CADM2: variants seen among roughly 807,000 people sequenced by gnomAD.
CADM2 encodes the protein cell adhesion molecule 2.
Under a neutral mutation model 49.8 loss-of-function variants are expected in CADM2, and 12 were observed. The observed-to-expected ratio is 0.24, with a 90% CI of 0.15 to 0.39. CADM2 has a LOEUF of 0.39. Among genes scored for constraint, CADM2 ranks in the 10% least tolerant of loss-of-function variants. The probability of loss-of-function intolerance (pLI) is 1.00; values close to 1 mark genes in which losing one functional copy is unlikely to be tolerated. For missense variants in CADM2, 378 were observed against 492.3 expected, an observed-to-expected ratio of 0.77 and a Z score of 2.20; for synonymous variants, 214 against 175.4, an observed-to-expected ratio of 1.22 and a Z score of -1.74.
At chr3:85,536,636 G>C (rs1329457452) in intron 1 of CADM2, among the ~76,000 whole-genome samples, 9 of 152,032 alleles carry the variant, frequency 5.9e-5, no homozygotes, top group Non-Finnish European at 8.8e-5. Context: ...AGGCTTTGCA[G>C]CCTTTTCACT....
chr3:86,054,201 A>G (rs1370710265), intron 8 of CADM2, among the ~76,000 whole-genome samples: 1 of 151,588 alleles, frequency 6.6e-6, no homozygotes, highest in Non-Finnish European at 1.5e-5. Context: ...TCTCTTTATA[A>G]TGATATATGG....
intron 1 of CADM2, among the ~76,000 whole-genome samples, chr3:85,074,892 A>G (rs190256823): frequency 2.0e-5 from 3 of 152,108 alleles, no homozygotes; most frequent in African/African-American, 7.2e-5. Flanking sequence ...TTCCATTTTT[A>G]AAAATCCTAC....
chr3:85,325,186 G>A (rs1243107464), intron 1 of CADM2, among the ~76,000 whole-genome samples: 11 of 152,120 alleles, frequency 7.2e-5, no homozygotes, highest in South Asian at 4.1e-4. Flanking sequence ...TTGTAACGTC[G>A]AGATCTTCAA....
intron 1 of CADM2, among the ~76,000 whole-genome samples, chr3:85,420,155 A>G (rs2036102774): frequency 6.6e-6 from 1 of 152,168 alleles, no homozygotes; most frequent in African/African-American, 2.4e-5. Flanking sequence ...TTTTTAGAAG[A>G]AAGCAGTGAA....
chr3:85,512,987 A>G (rs573395930), intron 1 of CADM2, among the ~76,000 whole-genome samples: 1 of 152,200 alleles, frequency 6.6e-6, no homozygotes, highest in South Asian at 2.1e-4. Context: ...GAAGAGGCCA[A>G]GTTTAATCAT....
intron 1 of CADM2, among the ~76,000 whole-genome samples, chr3:85,667,146 A>T (rs1012912591): frequency 1.3e-5 from 2 of 151,998 alleles, no homozygotes; most frequent in Non-Finnish European, 2.9e-5. Flanking sequence ...AGCTTAATCC[A>T]TCTCCTTCTA....
intron 1 of CADM2, among the ~76,000 whole-genome samples, chr3:85,411,722 C>A (rs950946425): frequency 1.3e-5 from 2 of 152,142 alleles, no homozygotes; most frequent in Non-Finnish European, 1.5e-5. Context: ...TTCAAGCTAA[C>A]AAATTGACCT....
chr3:85,584,975 C>G (rs192718458), intron 1 of CADM2, among the ~76,000 whole-genome samples: 1 of 151,964 alleles, frequency 6.6e-6, no homozygotes, highest in East Asian at 1.9e-4. Context: ...ACCCTTTAGC[C>G]GCGGTTTCAC....
At chr3:85,354,388 G>A (rs1391108644) in intron 1 of CADM2, among the ~76,000 whole-genome samples, 1 of 149,894 alleles carries the variant, frequency 6.7e-6, no homozygotes, top group Non-Finnish European at 1.5e-5. Flanking sequence ...AGCATTAAGA[G>A]ATACACCTAA....
chr3:84,997,460 A>G (rs2033238275), intron 1 of CADM2, among the ~76,000 whole-genome samples: 1 of 152,148 alleles, frequency 6.6e-6, no homozygotes, highest in East Asian at 1.9e-4. Flanking sequence ...AGGGTATTTA[A>G]CAACATAGAA....
rs886139800 is a variant in CADM2 at position 85,094,859 on chromosome 3, C to CT, written c.61+135201dup. 5.6e-3 allele frequency among the ~76,000 whole-genome samples: 833 copies of CT among 148,626 alleles called. 6 individuals are homozygous for CT. Among genetic ancestry groups the CT allele is most frequent in the African/African-American group, 0.019 (789 of 40,592 alleles). Reference sequence around the variant, plus strand: ...ACTATCCAGAAGAGCTGGCTCTTCACTTTTTTTTTTAAATAAGAAGCCAGT... The same window carrying CT: ...ACTATCCAGAAGAGCTGGCTCTTCACTTTTTTTTTTTAAATAAGAAGCCAGT... On this transcript the variant is annotated intron_variant, in intron 1 of 9. Transcript: ENST00000383699.
chr3:85,484,249 A>G (rs1210048240), intron 1 of CADM2, among the ~76,000 whole-genome samples: 1 of 151,944 alleles, frequency 6.6e-6, no homozygotes, highest in Non-Finnish European at 1.5e-5. Flanking sequence ...CAAAGGGACA[A>G]TGATGTCAGC....
intron 1 of CADM2, among the ~76,000 whole-genome samples, chr3:84,962,068 G>A (rs2030576472): frequency 6.6e-6 from 1 of 151,852 alleles, no homozygotes; most frequent in African/African-American, 2.4e-5. Flanking sequence ...GGAGCGGGGG[G>A]TGCGGGGAAG....
chr3:85,297,806 T>A (rs559064068), intron 1 of CADM2, among the ~76,000 whole-genome samples: 1 of 152,162 alleles, frequency 6.6e-6, no homozygotes, highest in East Asian at 1.9e-4. Context: ...TGCATAATTT[T>A]GAACGATTTT....
intron 3 of CADM2, among the ~76,000 whole-genome samples, chr3:85,848,692 C>A (rs2074977088): frequency 6.6e-6 from 1 of 152,008 alleles, no homozygotes; most frequent in Admixed American, 6.5e-5. Context: ...ACTATTTTTT[C>A]TAAATAATGC....
At chr3:85,979,464 ATT>A (rs146375728) in intron 8 of CADM2, among the ~76,000 whole-genome samples, 1 of 151,556 alleles carries the variant, frequency 6.6e-6, no homozygotes, top group African/African-American at 2.4e-5. Flanking sequence ...GGTACATTTT[ATT>A]TTTTTTAGTG....
chr3:85,284,096 G>C lies in CADM2; in HGVS notation c.61+324428G>C, dbSNP rs370992270. Among the ~76,000 whole-genome samples the C allele has an allele frequency of 8.5e-5, 13 of 152,190 alleles. No individual in the cohort carries two copies. In the East Asian group the frequency reaches 2.1e-3, roughly 25 times the overall value. On this transcript the variant is annotated intron_variant, in intron 1 of 9. Coordinates refer to ENST00000383699, the MANE Select transcript of CADM2 (RefSeq NM_001167675.2). ...TTGCAATGAATATTTTAAAAACTCT[G>C]CCAGATAATTAAACTCTACGGAATG... is the stretch of plus-strand genomic sequence containing the variant.
chr3:85,290,967 G>T (rs1215740251), intron 1 of CADM2, among the ~76,000 whole-genome samples: 1 of 152,188 alleles, frequency 6.6e-6, no homozygotes, highest in South Asian at 2.1e-4. Flanking sequence ...AGAGAAGAAG[G>T]CTTCAGACGA....
intron 3 of CADM2, among the ~76,000 whole-genome samples, chr3:85,871,354 T>C (rs2075920046): frequency 6.6e-6 from 1 of 152,162 alleles, no homozygotes; most frequent in African/African-American, 2.4e-5. Context: ...TAGTCTATCA[T>C]CAGCCTTATA....
Sources: gnomAD v4.1 joint callset for allele counts (sites outside exome capture counted in the v4.1 genomes callset) on GRCh38, gnomAD v4.1.1 for gene constraint, MANE v1.5 for transcripts, NCBI Gene and HGNC (gene_info 2026-07-23, HGNC 2026-07-21) for gene names.